Variants in ANKS1B observed in about 807,000 individuals in gnomAD.
The protein encoded by ANKS1B is ankyrin repeat and sterile alpha motif domain containing 1B, also known as ankyrin repeat and sterile alpha motif domain-containing protein 1B.
Under a neutral mutation model 148.3 loss-of-function variants are expected in ANKS1B, and 36 were observed. The ratio of observed to expected loss-of-function variants is 0.24; its 90% confidence interval spans 0.19 to 0.32. ANKS1B has a LOEUF of 0.32. Ranked by LOEUF, ANKS1B falls within the 10% of genes least tolerant of loss-of-function variation. The pLI is 1.00. For synonymous variants in ANKS1B, 542 were observed against 560.8 expected, an observed-to-expected ratio of 0.97 and a Z score of 0.47; for missense variants, 1,157 against 1,542.6, an observed-to-expected ratio of 0.75 and a Z score of 4.19.
intron 17 of ANKS1B, among the ~76,000 whole-genome samples, chr12:98,891,941 A>T (rs2099753672): frequency 6.6e-6 from 1 of 152,238 alleles, no homozygotes; most frequent in African/African-American, 2.4e-5. Flanking sequence ...AATATTAACC[A>T]AGTCTAAGTT....
At chr12:98,996,495 G>A (rs899069194) in intron 17 of ANKS1B, among the ~76,000 whole-genome samples, 8 of 152,068 alleles carry the variant, frequency 5.3e-5, no homozygotes, top group African/African-American at 1.4e-4. Flanking sequence ...GGGTTCTGCT[G>A]GCCAGATTGG....
At chr12:99,949,438 T>G (rs1490879246) in intron 1 of ANKS1B, among the ~76,000 whole-genome samples, 1 of 152,138 alleles carries the variant, frequency 6.6e-6, no homozygotes, top group African/African-American at 2.4e-5. Context: ...TAGCACAAAC[T>G]CTTTACAAAT....
At chr12:99,205,982 T>C (rs1258223870) in intron 14 of ANKS1B, among the ~76,000 whole-genome samples, 2 of 152,132 alleles carry the variant, frequency 1.3e-5, no homozygotes, top group Admixed American at 6.5e-5. Flanking sequence ...GGCATCTCAG[T>C]GCCAAAGCCA....
intron 12 of ANKS1B, among the ~76,000 whole-genome samples, chr12:99,379,404 G>T (rs543593428): frequency 1.3e-5 from 2 of 152,280 alleles, no homozygotes; most frequent in Non-Finnish European, 2.9e-5. Flanking sequence ...TCCCCCATTT[G>T]TAAATCAGAC....
At chr12:99,713,952 C>T (rs2056966725) in intron 8 of ANKS1B, among the ~76,000 whole-genome samples, 1 of 152,216 alleles carries the variant, frequency 6.6e-6, no homozygotes, top group African/African-American at 2.4e-5. Context: ...TTCTCACTAA[C>T]TTAGTGGCTT....
chr12:99,262,765 T>C (rs10860412), intron 12 of ANKS1B, among the ~76,000 whole-genome samples: 47,331 of 151,660 alleles, frequency 0.31, 8,577 homozygotes, highest in African/African-American at 0.51. Context: ...CATGTTTATT[T>C]GTATCATATC....
At chr12:98,921,153 T>A (rs1464320835) in intron 17 of ANKS1B, among the ~76,000 whole-genome samples, 1 of 152,128 alleles carries the variant, frequency 6.6e-6, no homozygotes. Flanking sequence ...TCTTCCTCAT[T>A]CCTTCCTCCT....
At chr12:99,215,987 T>A (rs1393730159) in intron 14 of ANKS1B, among the ~76,000 whole-genome samples, 1 of 152,182 alleles carries the variant, frequency 6.6e-6, no homozygotes, top group Non-Finnish European at 1.5e-5. Context: ...GTAGCTCCCA[T>A]AATCCCCATG....
intron 14 of ANKS1B, among the ~76,000 whole-genome samples, chr12:99,163,140 A>C (rs959112715): frequency 6.6e-6 from 1 of 152,170 alleles, no homozygotes; most frequent in Non-Finnish European, 1.5e-5. Context: ...AGTTATTTTT[A>C]GTTATTTTCA....
intron 2 of ANKS1B, among the ~76,000 whole-genome samples, chr12:99,823,161 C>G (rs2082713688): frequency 6.6e-6 from 1 of 151,898 alleles, no homozygotes; most frequent in Non-Finnish European, 1.5e-5. Flanking sequence ...TTGTTGAATT[C>G]TTTAAATTCC....
rs1402628592 is a variant in ANKS1B at position 99,405,321 on chromosome 12, T to C, written c.1576-5510A>G. Among the ~76,000 whole-genome samples, 6 of 144,164 alleles carry C rather than the reference T, an allele frequency of 4.2e-5. 1 individual carries two copies. Among genetic ancestry groups the C allele is most frequent in the African/African-American group, 5.3e-5 (2 of 37,458 alleles). The allele number at this position is 144,164 out of a possible 152,430, so 94.6% of individuals were successfully genotyped here. On this transcript the variant is annotated intron_variant, in intron 11 of 26. Transcript: ENST00000683438. ...GAAAAAATAGACTGATAATAACAAGTATGAAAACTTTTCAAGACATAGACA... is the reference window on the plus strand; with the variant it reads ...GAAAAAATAGACTGATAATAACAAGCATGAAAACTTTTCAAGACATAGACA...
chr12:99,073,383 C>T (rs2046859882), intron 16 of ANKS1B, among the ~76,000 whole-genome samples: 1 of 152,190 alleles, frequency 6.6e-6, no homozygotes, highest in Non-Finnish European at 1.5e-5. Flanking sequence ...TCTTTGCTCT[C>T]TTAGAGAATG....
intron 17 of ANKS1B, among the ~76,000 whole-genome samples, chr12:99,019,681 T>C (rs1237278960): frequency 6.6e-6 from 1 of 152,210 alleles, no homozygotes; most frequent in Non-Finnish European, 1.5e-5. Flanking sequence ...CCTAAATATT[T>C]TCCCAAACCA....
chr12:99,361,016 A>G (rs894768065), intron 12 of ANKS1B, among the ~76,000 whole-genome samples: 1 of 152,090 alleles, frequency 6.6e-6, no homozygotes, highest in South Asian at 2.1e-4. Context: ...AAAAAATAAT[A>G]GAAAGTATGA....
At chr12:99,132,087 G>A (rs528804492) in intron 15 of ANKS1B, among the ~76,000 whole-genome samples, 1 of 151,936 alleles carries the variant, frequency 6.6e-6, no homozygotes, top group Admixed American at 6.6e-5. Context: ...TTCCAGCACC[G>A]CCTCATGGTT....
chr12:99,162,415 C>T (rs2076748810), intron 14 of ANKS1B, among the ~76,000 whole-genome samples: 1 of 151,948 alleles, frequency 6.6e-6, no homozygotes, highest in Non-Finnish European at 1.5e-5. Flanking sequence ...TTTAAATTTA[C>T]AAGAACAAAA....
At chr12:99,216,080 C>T (rs1223546581) in intron 14 of ANKS1B, among the ~76,000 whole-genome samples, 1 of 152,188 alleles carries the variant, frequency 6.6e-6, no homozygotes, top group Non-Finnish European at 1.5e-5. Flanking sequence ...GTGAATAAGT[C>T]TCACGAGATC....
At chr12:99,461,930 T>A (rs1279142646) in intron 10 of ANKS1B, among the ~76,000 whole-genome samples, 1 of 152,220 alleles carries the variant, frequency 6.6e-6, no homozygotes, top group Non-Finnish European at 1.5e-5. Context: ...CCACACTACA[T>A]CTATTGTTTA....
At chr12:99,457,390 A>G (rs947851266) in intron 10 of ANKS1B, among the ~76,000 whole-genome samples, 2 of 152,122 alleles carry the variant, frequency 1.3e-5, no homozygotes, top group Non-Finnish European at 2.9e-5. Flanking sequence ...TATTCAGGCA[A>G]CAAATAGCAT....
Sources: allele counts gnomAD v4.1 joint callset (sites outside exome capture counted in the v4.1 genomes callset), GRCh38; gene constraint gnomAD v4.1.1; transcripts MANE v1.5; gene names NCBI Gene and HGNC (gene_info 2026-07-23, HGNC 2026-07-21).